Variants in NTNG1 observed in about 807,000 individuals in gnomAD.
The protein encoded by NTNG1 is netrin-G1.
In NTNG1, 16 loss-of-function variants were observed where a neutral mutation model predicts 54.0. The ratio of observed to expected loss-of-function variants is 0.30; its 90% CI spans 0.20 to 0.45. NTNG1 has a LOEUF of 0.45. NTNG1 is among the 20% of genes least tolerant of loss of function. The pLI, the probability that NTNG1 is intolerant of heterozygous loss-of-function variation, is 1.00. For missense variants in NTNG1, 530 were observed against 678.7 expected, an observed-to-expected ratio of 0.78 and a Z score of 2.43; for synonymous variants, 255 against 263.1, an observed-to-expected ratio of 0.97 and a Z score of 0.30.
chr1:107,248,994 C>CAAAA (rs1196454799), intron 2 of NTNG1, among the ~76,000 whole-genome samples: 6 of 109,120 alleles, frequency 5.5e-5, no homozygotes, highest in African/African-American at 2.0e-4. Flanking sequence ...ACTAAAAGTA[C>CAAAA]AAAAAAAAAA....
At chr1:107,455,310 C>T (rs1216140678) in intron 7 of NTNG1, among the ~76,000 whole-genome samples, 7 of 152,110 alleles carry the variant, frequency 4.6e-5, no homozygotes, top group Non-Finnish European at 8.8e-5. Context: ...GTGATCTTCC[C>T]GCCTCAGCCT....
At chr1:107,397,611 T>G (rs1001661164) in intron 4 of NTNG1, among the ~76,000 whole-genome samples, 3 of 152,188 alleles carry the variant, frequency 2.0e-5, no homozygotes, top group Admixed American at 2.0e-4. Flanking sequence ...TGTCATATGT[T>G]TAGCCTAACA....
At chr1:107,465,353 T>C (rs1262599358) in intron 7 of NTNG1, among the ~76,000 whole-genome samples, 1 of 152,232 alleles carries the variant, frequency 6.6e-6, no homozygotes, top group Admixed American at 6.5e-5. Flanking sequence ...TGCTCTGTCA[T>C]GCACCATACT....
chr1:107,339,422 T>C (rs1668775298), intron 3 of NTNG1, among the ~76,000 whole-genome samples: 1 of 152,062 alleles, frequency 6.6e-6, no homozygotes, highest in Non-Finnish European at 1.5e-5. Context: ...AAAGATCCTA[T>C]AATGTATAAC....
intron 2 of NTNG1, among the ~76,000 whole-genome samples, chr1:107,289,781 C>T (rs1184120905): frequency 6.6e-6 from 1 of 152,024 alleles, no homozygotes; most frequent in Non-Finnish European, 1.5e-5. Context: ...GTTGAGTGTT[C>T]CCTGCAGTTT....
intron 7 of NTNG1, among the ~76,000 whole-genome samples, chr1:107,473,305 A>G (rs964397336): frequency 2.6e-5 from 4 of 152,210 alleles, no homozygotes; most frequent in African/African-American, 9.7e-5. Flanking sequence ...CGTTGAACAA[A>G]ACCCAGAGAA....
intron 2 of NTNG1, among the ~76,000 whole-genome samples, chr1:107,280,034 GGTGT>G (rs58563513): frequency 0.048 from 7,067 of 146,390 alleles, 174 homozygotes; most frequent in Middle Eastern, 0.076. Flanking sequence ...TTCCTTTGTT[GGTGT>G]GTGTGTGTGT....
At chr1:107,477,664 A>C (rs906342313) in intron 7 of NTNG1, among the ~76,000 whole-genome samples, 1 of 152,178 alleles carries the variant, frequency 6.6e-6, no homozygotes, top group African/African-American at 2.4e-5. Context: ...TAATCTTCCC[A>C]AAAGTAATTA....
intron 2 of NTNG1, among the ~76,000 whole-genome samples, chr1:107,172,023 T>G (rs1656284161): frequency 6.6e-6 from 1 of 152,210 alleles, no homozygotes; most frequent in South Asian, 2.1e-4. Flanking sequence ...TTTTTTATTC[T>G]TTTGCCAGTT....
rs147090147 is a variant in NTNG1, at chr1:107,364,627, G to A, written c.888-30527G>A. 3.9e-3 allele frequency among the ~76,000 whole-genome samples: 593 copies of A among 152,212 alleles called. 6 individuals are homozygous for A. The highest frequency in any genetic ancestry group is 0.013 in the African/African-American group (537 of 41,540). On this transcript the variant is annotated intron_variant, in intron 3 of 7. Transcript: ENST00000370068. ...AGCTCTTAGTGACCTGATCAAAACT[G>A]CACCCCTTGGTTTCACACATAAGAA...
intron 7 of NTNG1, among the ~76,000 whole-genome samples, chr1:107,472,504 T>C (rs1219837717): frequency 6.6e-6 from 1 of 152,138 alleles, no homozygotes; most frequent in African/African-American, 2.4e-5. Context: ...ATGGCCACCA[T>C]CCAGAGCAGT....
intron 2 of NTNG1, among the ~76,000 whole-genome samples, chr1:107,296,314 G>T (rs1246039283): frequency 6.6e-6 from 1 of 152,052 alleles, no homozygotes; most frequent in Non-Finnish European, 1.5e-5. Context: ...GGAATCATAG[G>T]TCAACATCTT....
At chr1:107,437,946 T>C (rs1482723382) in intron 7 of NTNG1, among the ~76,000 whole-genome samples, 2 of 152,126 alleles carry the variant, frequency 1.3e-5, no homozygotes, top group African/African-American at 4.8e-5. Flanking sequence ...GAAACAAATG[T>C]CAGCATGCAG....
intron 2 of NTNG1, among the ~76,000 whole-genome samples, chr1:107,197,190 G>A (rs4322256): frequency 0.83 from 126,455 of 151,932 alleles, 55,350 homozygotes; most frequent in East Asian, 0.99. Flanking sequence ...GATACCCTTA[G>A]GCTTGTGACA....
chr1:107,185,459 G>C (rs1657382998), intron 2 of NTNG1, among the ~76,000 whole-genome samples: 1 of 152,108 alleles, frequency 6.6e-6, no homozygotes, highest in Non-Finnish European at 1.5e-5. Context: ...GTCTGTGTCT[G>C]TGTGCCCTTT....
intron 3 of NTNG1, among the ~76,000 whole-genome samples, chr1:107,364,674 C>T (rs1474655046): frequency 2.0e-5 from 3 of 152,146 alleles, no homozygotes; most frequent in Non-Finnish European, 4.4e-5. Context: ...CATTTTTTTC[C>T]TCCTAACATG....
At chr1:107,472,749 T>G (rs916250065) in intron 7 of NTNG1, among the ~76,000 whole-genome samples, 9 of 152,174 alleles carry the variant, frequency 5.9e-5, no homozygotes, top group East Asian at 1.9e-4. Context: ...TTTTGTTTTT[T>G]TGTGGGGCGG....
At chr1:107,477,396 C>T (rs1678399469) in intron 7 of NTNG1, among the ~76,000 whole-genome samples, 1 of 152,256 alleles carries the variant, frequency 6.6e-6, no homozygotes, top group Non-Finnish European at 1.5e-5. Flanking sequence ...GAAACAGGAT[C>T]TTCCATGCCT....
intron 2 of NTNG1, among the ~76,000 whole-genome samples, chr1:107,289,173 G>C (rs1282233014): frequency 3.9e-5 from 6 of 152,038 alleles, no homozygotes; most frequent in Non-Finnish European, 7.4e-5. Flanking sequence ...TGAATATCCT[G>C]GTTTTTACTT....
Sources: gnomAD v4.1 joint callset for allele counts (sites outside exome capture counted in the v4.1 genomes callset) on GRCh38, gnomAD v4.1.1 for gene constraint, MANE v1.5 for transcripts, NCBI Gene and HGNC (gene_info 2026-07-23, HGNC 2026-07-21) for gene names.